Variants in CCDC63 observed in about 807,000 individuals in gnomAD.
The protein encoded by CCDC63 is coiled-coil domain-containing protein 63.
A neutral mutation model predicts 63.6 loss-of-function variants in CCDC63; 54 were observed. That is an observed-to-expected ratio of 0.85 (90% confidence interval 0.68 to 1.07). CCDC63 has a LOEUF of 1.07. Among genes scored for constraint, CCDC63 ranks in the 50% least tolerant of loss-of-function variants. CCDC63 has a pLI of 0.00. For missense variants in CCDC63, 637 were observed against 689.6 expected, an observed-to-expected ratio of 0.92 and a Z score of 0.86; for synonymous variants, 253 against 266.1, an observed-to-expected ratio of 0.95 and a Z score of 0.48.
rs770371079 is a variant in CCDC63, at chr12:110,907,449, C to A, written c.1665C>A (p.Phe555Leu). 8.1e-6 allele frequency: 13 copies of A among 1,614,184 alleles called. No individual in the cohort carries two copies. Among genetic ancestry groups the A allele is most frequent in the Middle Eastern group, 1.7e-4 (1 of 6,060 alleles). The stretch of plus-strand genomic sequence containing the variant: ...GCCTGCCTGAGAAGGTGGATGACTT[C>A]AGATCCAGGAAGAAAGTAACCATGT... ...GDSLPEKVDD[F>L]RSRKKVTM is the part of the protein sequence containing the mutation. The change falls in exon 12 of 12, where the codon TTC (phenylalanine) becomes TTA (leucine). Residue 555 changes from phenylalanine (F) to leucine (L), a missense_variant. Physicochemically the swap from Phe to Leu is conservative, Grantham distance 22. Coordinates refer to ENST00000308208, the MANE Select transcript of CCDC63 (RefSeq NM_152591.3). This position sits in a 1 kb window ranked among gnomAD's most constrained non-coding sequence, Gnocchi z 4.4.
At chr12:110,877,437 C>T (rs912874448) in intron 5 of CCDC63, among the ~76,000 whole-genome samples, 4 of 152,036 alleles carry the variant, frequency 2.6e-5, no homozygotes, top group East Asian at 1.9e-4. Flanking sequence ...TGGTCTCAAA[C>T]GCCTGACCTC....
chr12:110,868,335 C>T (rs1183632514), intron 4 of CCDC63, among the ~76,000 whole-genome samples: 1 of 137,552 alleles, frequency 7.3e-6, no homozygotes, highest in Non-Finnish European at 1.6e-5. Context: ...GGGGTGGCGG[C>T]TGGGCAGAGG....
At position 110,904,803 on chromosome 12, in the gene CCDC63, C is replaced by T. The variant is rs1270937408; in HGVS notation, c.1546+12C>T. 6.9e-6 allele frequency: 11 copies of T among 1,593,972 alleles called. No individual in the cohort carries two copies. The highest frequency in any genetic ancestry group is 1.8e-5 in the Admixed American group (1 of 56,192). On this transcript the variant is annotated intron_variant, in intron 11 of 11. Coordinates refer to ENST00000308208, the MANE Select transcript of CCDC63 (RefSeq NM_152591.3). ...CAGGTTGGATGATGGTGAGTTCTCT[C>T]TCTCTCAATCTGCACAGGTTGCTAG... is the stretch of plus-strand genomic sequence containing the variant.
intron 10 of CCDC63, among the ~76,000 whole-genome samples, chr12:110,899,466 G>A (rs560168368): frequency 2.0e-5 from 3 of 152,158 alleles, no homozygotes; most frequent in East Asian, 3.9e-4. Flanking sequence ...CTACAGCCAT[G>A]CACCACCATA....
At chr12:110,867,199 A>G (rs1221161062) in intron 4 of CCDC63, among the ~76,000 whole-genome samples, 1 of 125,942 alleles carries the variant, frequency 7.9e-6, no homozygotes, top group African/African-American at 3.1e-5. Flanking sequence ...TCCCTCCCGG[A>G]CGGGGCGGCT....
intron 8 of CCDC63, among the ~76,000 whole-genome samples, chr12:110,891,058 C>A (rs958592111): frequency 1.3e-5 from 2 of 152,160 alleles, no homozygotes; most frequent in African/African-American, 4.8e-5. Flanking sequence ...GGATAACAGG[C>A]ATGAGCCACC....
intron 5 of CCDC63, among the ~76,000 whole-genome samples, chr12:110,875,181 T>C (rs1173719097): frequency 6.6e-6 from 1 of 152,194 alleles, no homozygotes. Flanking sequence ...GCCCAGTGAT[T>C]TGCAACTGTG....
chr12:110,885,633 C>T (rs1245942515), intron 8 of CCDC63, among the ~76,000 whole-genome samples: 1 of 152,154 alleles, frequency 6.6e-6, no homozygotes, highest in Non-Finnish European at 1.5e-5. Context: ...CCTCTCCCTC[C>T]CCTCCTTTTC....
chr12:110,864,274 C>G (rs926306885), intron 4 of CCDC63, among the ~76,000 whole-genome samples: 3 of 152,210 alleles, frequency 2.0e-5, no homozygotes, highest in Non-Finnish European at 4.4e-5. Flanking sequence ...GTCCGTGGAG[C>G]TTAAAATATT....
chr12:110,878,671 G>C (rs1299728269), intron 5 of CCDC63, among the ~76,000 whole-genome samples: 1 of 152,158 alleles, frequency 6.6e-6, no homozygotes, highest in East Asian at 1.9e-4. Context: ...TCCAAATCTT[G>C]GCTGTTGTGA....
At chr12:110,886,611 C>G (rs543568888) in intron 8 of CCDC63, among the ~76,000 whole-genome samples, 2 of 152,094 alleles carry the variant, frequency 1.3e-5, no homozygotes, top group African/African-American at 2.4e-5. Flanking sequence ...AAATTAGGGA[C>G]GGGCCCAGGG....
intron 8 of CCDC63, among the ~76,000 whole-genome samples, chr12:110,888,600 T>A (rs1592777882): frequency 1.3e-5 from 2 of 152,292 alleles, no homozygotes; most frequent in South Asian, 4.1e-4. Context: ...GAGCACTGAT[T>A]TCCAATGGTA....
intron 4 of CCDC63, among the ~76,000 whole-genome samples, chr12:110,869,577 G>T (rs927189243): frequency 1.3e-5 from 2 of 152,074 alleles, no homozygotes; most frequent in African/African-American, 4.8e-5. Flanking sequence ...TTTGGGTGTG[G>T]GCTAAGGCTG....
chr12:110,858,028 C>G (rs528546150), intron 3 of CCDC63, among the ~76,000 whole-genome samples: 1 of 151,910 alleles, frequency 6.6e-6, no homozygotes, highest in Admixed American at 6.6e-5. Flanking sequence ...ATCGCTTGAA[C>G]CTGGAAAGTG....
At chr12:110,869,455 T>C (rs990394940) in intron 4 of CCDC63, among the ~76,000 whole-genome samples, 2 of 152,126 alleles carry the variant, frequency 1.3e-5, no homozygotes, top group East Asian at 1.9e-4. Flanking sequence ...TACTTACTAG[T>C]CTTGAAGGGC....
intron 4 of CCDC63, among the ~76,000 whole-genome samples, chr12:110,867,520 C>T (rs1321894850): frequency 7.7e-5 from 8 of 103,992 alleles, no homozygotes; most frequent in East Asian, 5.8e-4. Context: ...GCTGGCCGGG[C>T]GGGGGGCTGA....
chr12:110,861,791 C>G (rs1440583609), intron 4 of CCDC63, among the ~76,000 whole-genome samples: 2 of 149,610 alleles, frequency 1.3e-5, no homozygotes. Flanking sequence ...AGGCTGGTCT[C>G]GAGCTCCTGA....
intron 7 of CCDC63, among the ~76,000 whole-genome samples, chr12:110,883,308 T>C (rs1402723214): frequency 1.3e-5 from 2 of 152,176 alleles, no homozygotes; most frequent in Non-Finnish European, 2.9e-5. Context: ...AGTGCTGGGA[T>C]TACAGGCGGG....
Position 110,895,977 on chromosome 12 carries a change from T to C in CCDC63, c.1149+2827T>C, listed in dbSNP as rs2071411320. ...GCCTCAACATTCCTCATCTGAAAACTAGGCCGATTATGAGGCTGAGTTCAG... is the reference window on the plus strand; with the variant it reads ...GCCTCAACATTCCTCATCTGAAAACCAGGCCGATTATGAGGCTGAGTTCAG... On this transcript the variant is annotated intron_variant, in intron 9 of 11. Coordinates refer to ENST00000308208, the MANE Select transcript of CCDC63 (RefSeq NM_152591.3). Among the ~76,000 whole-genome samples, 2 of 152,158 alleles carry C rather than the reference T, an allele frequency of 1.3e-5. 1 individual carries two copies. The highest frequency in any genetic ancestry group is 1.3e-4 in the Admixed American group (2 of 15,266).
Sources: allele counts gnomAD v4.1 joint callset (sites outside exome capture counted in the v4.1 genomes callset), GRCh38; gene constraint gnomAD v4.1.1; non-coding constraint Gnocchi (gnomAD v3.1); transcripts MANE v1.5; gene names NCBI Gene and HGNC (gene_info 2026-07-23, HGNC 2026-07-21).